Variants in MGAT4C observed in about 807,000 individuals in gnomAD.
The protein encoded by MGAT4C is MGAT4 family member C, also known as alpha-1,3-mannosyl-glycoprotein 4-beta-N-acetylglucosaminyltransferase C.
MGAT4C carries 19 observed loss-of-function variants against 40.1 expected under a neutral mutation model. The ratio of observed to expected loss-of-function variants is 0.47; its 90% CI spans 0.33 to 0.70. MGAT4C has a LOEUF of 0.70. Ranked by LOEUF, MGAT4C falls within the 30% of genes least tolerant of loss-of-function variation. The probability of loss-of-function intolerance (pLI) is 0.02; values close to 1 mark genes in which losing one functional copy is unlikely to be tolerated. For missense variants in MGAT4C, 491 were observed against 563.2 expected, an observed-to-expected ratio of 0.87 and a Z score of 1.30; for synonymous variants, 181 against 187.1, an observed-to-expected ratio of 0.97 and a Z score of 0.27.
chr12:86,658,318 G>A (rs1403499688), intron 2 of MGAT4C, among the ~76,000 whole-genome samples: 2 of 151,972 alleles, frequency 1.3e-5, no homozygotes, highest in Admixed American at 6.6e-5. Context: ...ATCTGACAAA[G>A]TGTTTAGCAA....
chr12:86,502,434 C>G (rs927442647), intron 2 of MGAT4C, among the ~76,000 whole-genome samples: 1 of 151,726 alleles, frequency 6.6e-6, no homozygotes, highest in Non-Finnish European at 1.5e-5. Context: ...AGATACATAA[C>G]ATTATACAGT....
At chr12:86,570,549 G>A (rs1960319596) in intron 2 of MGAT4C, among the ~76,000 whole-genome samples, 1 of 152,144 alleles carries the variant, frequency 6.6e-6, no homozygotes, top group South Asian at 2.1e-4. Flanking sequence ...CATTTAAAAT[G>A]GCTCAAAAAT....
At chr12:86,780,891 T>G (rs749842462) in intron 1 of MGAT4C, among the ~76,000 whole-genome samples, 7 of 152,210 alleles carry the variant, frequency 4.6e-5, no homozygotes, top group Non-Finnish European at 7.3e-5. Context: ...TTTCCACTGA[T>G]AAGTGAGAAT....
intron 1 of MGAT4C, among the ~76,000 whole-genome samples, chr12:86,142,893 G>A (rs1272818438): frequency 6.6e-6 from 1 of 152,024 alleles, no homozygotes; most frequent in East Asian, 1.9e-4. Context: ...AGGTAATTAA[G>A]TTAAATGAGG....
At chr12:86,483,693 G>T (rs1242371432) in intron 2 of MGAT4C, among the ~76,000 whole-genome samples, 1 of 150,708 alleles carries the variant, frequency 6.6e-6, no homozygotes, top group Non-Finnish European at 1.5e-5. Context: ...ATATTCATAT[G>T]GCACTTATTT....
intron 1 of MGAT4C, among the ~76,000 whole-genome samples, chr12:86,740,647 A>G (rs1593165619): frequency 6.6e-6 from 1 of 151,372 alleles, no homozygotes; most frequent in East Asian, 1.9e-4. Flanking sequence ...CTTCTATAAT[A>G]GGTTTCTCAG....
At chr12:86,339,503 C>A (rs1399363321) in intron 3 of MGAT4C, among the ~76,000 whole-genome samples, 2 of 152,130 alleles carry the variant, frequency 1.3e-5, no homozygotes, top group Non-Finnish European at 2.9e-5. Context: ...TATAAAGATA[C>A]ATGTTTTTCC....
intron 2 of MGAT4C, among the ~76,000 whole-genome samples, chr12:86,458,995 C>T (rs1286420922): frequency 2.0e-5 from 3 of 151,900 alleles, no homozygotes; most frequent in Non-Finnish European, 2.9e-5. Context: ...TCACTACACT[C>T]GCTTCCTAGA....
chr12:86,810,233 A>G (rs991570408), intron 1 of MGAT4C, among the ~76,000 whole-genome samples: 1 of 151,880 alleles, frequency 6.6e-6, no homozygotes, highest in Non-Finnish European at 1.5e-5. Context: ...CATTTGGGGA[A>G]TTTGACTTGT....
intron 4 of MGAT4C, among the ~76,000 whole-genome samples, chr12:86,286,763 G>C (rs567366871): frequency 6.7e-6 from 1 of 149,504 alleles, no homozygotes; most frequent in South Asian, 2.1e-4. Flanking sequence ...TGTAGGCCCT[G>C]GTGTCTGTGG....
At chr12:86,578,851 C>T (rs1960665662) in intron 2 of MGAT4C, among the ~76,000 whole-genome samples, 1 of 151,226 alleles carries the variant, frequency 6.6e-6, no homozygotes. Context: ...TCTATTTCTG[C>T]TCTGATCTTT....
intron 2 of MGAT4C, among the ~76,000 whole-genome samples, chr12:86,481,122 C>A (rs909421240): frequency 1.3e-5 from 2 of 151,834 alleles, no homozygotes; most frequent in Non-Finnish European, 2.9e-5. Flanking sequence ...AAAAGTTAAA[C>A]CTAATAAGCA....
chr12:86,257,312 A>T (rs1742220286), upstream of MGAT4C, among the ~76,000 whole-genome samples: 3 of 152,062 alleles, frequency 2.0e-5, no homozygotes, highest in Admixed American at 6.5e-5. Flanking sequence ...AACTACAATC[A>T]CCTTGAAATA....
At chr12:86,071,827 T>G (rs1868541583) in intron 1 of MGAT4C, among the ~76,000 whole-genome samples, 2 of 152,166 alleles carry the variant, frequency 1.3e-5, no homozygotes, top group Admixed American at 6.6e-5. Flanking sequence ...ACAGGAAATC[T>G]GTCTTCATGA....
intron 1 of MGAT4C, among the ~76,000 whole-genome samples, chr12:86,077,278 T>C (rs1869916711): frequency 6.6e-6 from 1 of 152,148 alleles, no homozygotes; most frequent in South Asian, 2.1e-4. Context: ...AATAATAAGT[T>C]CATAATAATA....
At chr12:86,481,905 A>G (rs1957943959) in intron 2 of MGAT4C, among the ~76,000 whole-genome samples, 1 of 152,000 alleles carries the variant, frequency 6.6e-6, no homozygotes, top group South Asian at 2.1e-4. Flanking sequence ...GGCATGAGCC[A>G]CCACCTGTAT....
At chr12:86,139,710 G>A (rs891068939) in intron 1 of MGAT4C, among the ~76,000 whole-genome samples, 6 of 151,846 alleles carry the variant, frequency 4.0e-5, no homozygotes, top group African/African-American at 1.5e-4. Context: ...AAATATAAGA[G>A]TTTCTTTAAA....
At chr12:86,486,592 C>T (rs1031884840) in intron 2 of MGAT4C, among the ~76,000 whole-genome samples, 32 of 152,100 alleles carry the variant, frequency 2.1e-4, no homozygotes, top group African/African-American at 7.7e-4. Context: ...TTCTTCTTGA[C>T]CTATGAAAAG....
At chr12:86,618,301 C>T (rs1962523935) in intron 2 of MGAT4C, among the ~76,000 whole-genome samples, 1 of 152,062 alleles carries the variant, frequency 6.6e-6, no homozygotes, top group Admixed American at 6.6e-5. Flanking sequence ...AAAACTAGCA[C>T]AAGATAGAAC....
Sources: allele counts gnomAD v4.1 joint callset (sites outside exome capture counted in the v4.1 genomes callset), GRCh38; gene constraint gnomAD v4.1.1; transcripts MANE v1.5; gene names NCBI Gene and HGNC (gene_info 2026-07-23, HGNC 2026-07-21).